The following SLC24A3 variants were observed in gnomAD, a reference collection of about 807,000 sequenced individuals.
The protein encoded by SLC24A3 is sodium/potassium/calcium exchanger 3.
A neutral mutation model predicts 75.8 loss-of-function variants in SLC24A3; 28 were observed. The ratio of observed to expected loss-of-function variants is 0.37; its 90% confidence interval spans 0.27 to 0.51. SLC24A3 has a LOEUF of 0.51. SLC24A3 is among the 20% of genes least tolerant of loss of function. The pLI, the probability that SLC24A3 is intolerant of heterozygous loss-of-function variation, is 0.94. For synonymous variants in SLC24A3, 372 were observed against 334.1 expected (o/e 1.11, Z -1.24); for missense variants, 663 against 847.8 (o/e 0.78, Z 2.71).
intron 2 of SLC24A3, among the ~76,000 whole-genome samples, chr20:19,308,834 G>C (rs969789935): frequency 1.3e-5 from 2 of 152,130 alleles, no homozygotes; most frequent in African/African-American, 4.8e-5. Context: ...CCACATCTAG[G>C]AACTCGACAA....
At chr20:19,448,321 G>A (rs924074780) in intron 2 of SLC24A3, among the ~76,000 whole-genome samples, 1 of 152,204 alleles carries the variant, frequency 6.6e-6, no homozygotes, top group African/African-American at 2.4e-5. Context: ...GTCACAAGTG[G>A]TTACTTTGCA....
intron 1 of SLC24A3, among the ~76,000 whole-genome samples, chr20:19,257,226 AC>A (rs1283053025): frequency 6.6e-6 from 1 of 152,164 alleles, no homozygotes; most frequent in Non-Finnish European, 1.5e-5. Flanking sequence ...TGGGACCATC[AC>A]TTTCTCCTGC....
At chr20:19,679,601 G>A (rs2032585682) in intron 9 of SLC24A3, among the ~76,000 whole-genome samples, 1 of 151,610 alleles carries the variant, frequency 6.6e-6, no homozygotes, top group African/African-American at 2.4e-5. Context: ...AGAGGGAGAG[G>A]GAGAGGGAGA....
At chr20:19,219,199 C>G (rs564551180) in intron 1 of SLC24A3, among the ~76,000 whole-genome samples, 3 of 152,220 alleles carry the variant, frequency 2.0e-5, no homozygotes, top group African/African-American at 7.2e-5. Flanking sequence ...TGTTCCACTT[C>G]CAACCTGGAG....
intron 6 of SLC24A3, among the ~76,000 whole-genome samples, chr20:19,606,605 A>G (rs2031600728): frequency 6.6e-6 from 1 of 152,192 alleles, no homozygotes; most frequent in African/African-American, 2.4e-5. Flanking sequence ...TTCTTTGTGC[A>G]TAAATATAAA....
chr20:19,627,806 G>T lies in SLC24A3; in HGVS notation c.613-26256G>T, dbSNP rs867542219. On this transcript the variant is annotated intron_variant, in intron 6 of 16. Transcript: ENST00000328041. ...ATTGAACAAGTATAAACACAGAGTA[G>T]TAATAAGTGACAAGGATTCTATAAG... 2.0e-5 allele frequency among the ~76,000 whole-genome samples: 3 copies of T among 152,244 alleles called. No individual in the cohort carries two copies. In the South Asian group the frequency reaches 6.2e-4, roughly 32 times the overall value.
intron 3 of SLC24A3, among the ~76,000 whole-genome samples, chr20:19,516,228 G>A (rs1394110844): frequency 6.6e-6 from 1 of 152,228 alleles, no homozygotes; most frequent in Non-Finnish European, 1.5e-5. Flanking sequence ...TGGCTCTAAA[G>A]TCTGTGGTCC....
In SLC24A3 at chr20:19,698,570, A is replaced by T. The variant is rs984802906; in HGVS notation, c.1609A>T (p.Met537Leu). ...MASLIVARQG[M>L]GDMAVSNSIG... is the part of the protein sequence containing the mutation. ...TAAGTGACCTCTTGTCCCTGCAGGG[A>T]TGGGGGACATGGCTGTGTCCAACTC... The change falls in exon 15 of 17, where the codon ATG becomes TTG. Residue 537 changes from methionine (M) to leucine (L), a missense_variant and splice_region_variant. Around this residue, in one of 2 missense-constraint regions of SLC24A3, gnomAD observed 510 missense variants for 703.6 expected, o/e 0.72. Transcript: ENST00000328041. 2 of 1,577,372 alleles carry T rather than the reference A, an allele frequency of 1.3e-6. No homozygotes were observed. The highest frequency in any genetic ancestry group is 1.3e-5 in the African/African-American group (1 of 74,234).
At chr20:19,639,468 A>T (rs1017211096) in intron 6 of SLC24A3, among the ~76,000 whole-genome samples, 1 of 152,226 alleles carries the variant, frequency 6.6e-6, no homozygotes, top group Non-Finnish European at 1.5e-5. Context: ...ACAAACCTTG[A>T]GCTAGATACA....
intron 2 of SLC24A3, among the ~76,000 whole-genome samples, chr20:19,513,435 A>G (rs993199263): frequency 2.0e-5 from 3 of 152,234 alleles, no homozygotes; most frequent in African/African-American, 7.2e-5. Flanking sequence ...TGCAAGGTAC[A>G]GTGCTTGCCA....
chr20:19,240,954 G>C (rs1321152169), intron 1 of SLC24A3, among the ~76,000 whole-genome samples: 1 of 152,138 alleles, frequency 6.6e-6, no homozygotes, highest in Non-Finnish European at 1.5e-5. Context: ...GGCCGGCAAG[G>C]GTATCTGCAG....
chr20:19,684,453 T>A, intron 11 of SLC24A3, 117 bp downstream of exon 11: 1 of 1,184,642 alleles, frequency 8.4e-7, no homozygotes, highest in Non-Finnish European at 1.2e-6. Context: ...CACCGCAGCA[T>A]CCCTCAGCCA....
chr20:19,566,415 G>A (rs1342497018), intron 3 of SLC24A3, among the ~76,000 whole-genome samples: 1 of 152,176 alleles, frequency 6.6e-6, no homozygotes, highest in African/African-American at 2.4e-5. Context: ...GTTTCCTGTG[G>A]GCAGTTGAGG....
At chr20:19,694,089 A>T (rs1431587755) in intron 13 of SLC24A3, 3 of 152,226 alleles carry the variant, frequency 2.0e-5, no homozygotes, top group Non-Finnish European at 4.4e-5. Flanking sequence ...GGCTAAAATA[A>T]TGACTCAGTG....
At chr20:19,491,595 A>C (rs1002975580) in intron 2 of SLC24A3, among the ~76,000 whole-genome samples, 2 of 151,582 alleles carry the variant, frequency 1.3e-5, no homozygotes, top group South Asian at 4.2e-4. Flanking sequence ...ACATTCTGGC[A>C]CCCCCCATAC....
At chr20:19,320,394 GTTTGGGCATCTGCTCAT>G (rs1323635961) in intron 2 of SLC24A3, among the ~76,000 whole-genome samples, 1 of 152,086 alleles carries the variant, frequency 6.6e-6, no homozygotes, top group African/African-American at 2.4e-5. Context: ...GAGCTCTTGG[GTTTGGGCATCTGCTCAT>G]TTTTCTGGGA....
intron 2 of SLC24A3, among the ~76,000 whole-genome samples, chr20:19,282,940 T>C (rs920201609): frequency 1.3e-5 from 2 of 152,136 alleles, no homozygotes; most frequent in African/African-American, 2.4e-5. Flanking sequence ...GCCTCACAGA[T>C]AGAAAAGAAA....
Position 19,502,101 on chromosome 20 carries a change from A to G in SLC24A3, c.272-13387A>G, listed in dbSNP as rs1988392823. Among the ~76,000 whole-genome samples the G allele has an allele frequency of 2.0e-5, 3 of 152,266 alleles. No homozygotes were observed. The South Asian group carries it at 6.2e-4, about 32-fold the overall frequency. On this transcript the variant is annotated intron_variant, in intron 2 of 16. Coordinates refer to ENST00000328041, the MANE Select transcript of SLC24A3 (RefSeq NM_020689.4). ...GAAAACTAGACTGGCAGAGAGCCAT[A>G]GCAGTTAGCTTTTCTCCTCTGAAAC...
chr20:19,720,933 C>T (rs888749473), intron 16 of SLC24A3, 58 bp from the exon 17 acceptor site: 20 of 1,593,234 alleles, frequency 1.3e-5, no homozygotes, highest in South Asian at 9.1e-5. Flanking sequence ...CCCCTACCAA[C>T]CCCCCAAAGG....
Sources: allele counts gnomAD v4.1 joint callset (sites outside exome capture counted in the v4.1 genomes callset), GRCh38; gene constraint gnomAD v4.1.1; regional missense constraint gnomAD v4.1.1; transcripts MANE v1.5; gene names NCBI Gene and HGNC (gene_info 2026-07-23, HGNC 2026-07-21).